Variants in PIKFYVE observed in about 807,000 individuals in gnomAD.
PIKFYVE encodes the protein 1-phosphatidylinositol 3-phosphate 5-kinase.
In PIKFYVE, 122 loss-of-function variants were observed where a neutral mutation model predicts 257.9. That is an observed-to-expected ratio of 0.47 (90% confidence interval 0.41 to 0.55). The LOEUF is 0.55. Ranked by LOEUF, PIKFYVE falls within the 20% of genes least tolerant of loss-of-function variation. The pLI is 0.00. For synonymous variants in PIKFYVE, 892 were observed against 868.9 expected, an observed-to-expected ratio of 1.03 and a Z score of -0.47; for missense variants, 2,160 against 2,536.6, an observed-to-expected ratio of 0.85 and a Z score of 3.19.
chr2:208,318,561 CAT>C (rs1178977601), intron 16 of PIKFYVE, among the ~76,000 whole-genome samples: 2 of 152,178 alleles, frequency 1.3e-5, no homozygotes, highest in Non-Finnish European at 2.9e-5. Context: ...ATTGAGATCA[CAT>C]GTGGACCTTT....
chr2:208,355,572 TAAA>T lies in PIKFYVE; in HGVS notation c.*268_*270del. On this transcript the variant is annotated 3_prime_UTR_variant, in exon 42 of 42. Transcript: ENST00000264380. Reference sequence around the variant, plus strand: ...AAAATACAGACATGTTTCAAAGGGCTAAAGTTGGAGATGAGTAGATAGGGTGAA... The same window carrying T: ...AAAATACAGACATGTTTCAAAGGGCTGTTGGAGATGAGTAGATAGGGTGAA... 2.6e-6 allele frequency: 1 copy of T among 382,296 alleles called. No homozygotes were observed. The highest frequency in any genetic ancestry group is 2.8e-5 in the South Asian group (1 of 35,148). 23.7% of individuals were successfully genotyped at this position (382,296 alleles called of 1,614,324 possible). A position where few individuals can be genotyped will look rare whatever the true frequency, so the allele number is the denominator to read the frequency against.
At chr2:208,268,760 C>G (rs552745909) in intron 1 of PIKFYVE, among the ~76,000 whole-genome samples, 5 of 151,934 alleles carry the variant, frequency 3.3e-5, no homozygotes, top group Admixed American at 3.3e-4. Flanking sequence ...TTTCTCCTTC[C>G]TCTTTCCTTC....
At chr2:208,301,450 T>C (rs1436072489) in intron 9 of PIKFYVE, among the ~76,000 whole-genome samples, 1 of 152,216 alleles carries the variant, frequency 6.6e-6, no homozygotes, top group Non-Finnish European at 1.5e-5. Flanking sequence ...ATTTGATCCA[T>C]AAGCTATGCC....
At chr2:208,292,691 T>C (rs1468022794) in intron 7 of PIKFYVE, among the ~76,000 whole-genome samples, 1 of 152,162 alleles carries the variant, frequency 6.6e-6, no homozygotes, top group Non-Finnish European at 1.5e-5. Flanking sequence ...TTTGATTTCA[T>C]TTAAAAATTT....
At chr2:208,306,158 A>C (rs1166431068) in intron 12 of PIKFYVE, among the ~76,000 whole-genome samples, 1 of 152,248 alleles carries the variant, frequency 6.6e-6, no homozygotes, top group Non-Finnish European at 1.5e-5. Flanking sequence ...AAAAAGGAAT[A>C]TGTTATTTAA....
chr2:208,286,014 C>T (rs535629108), intron 6 of PIKFYVE, 81 bp downstream of exon 6: 26 of 1,316,178 alleles, frequency 2.0e-5, no homozygotes, highest in Non-Finnish European at 2.6e-5. Flanking sequence ...TCAGTTAACA[C>T]TTACCCTCTT....
chr2:208,345,651 T>C (rs1256234049), intron 33 of PIKFYVE, among the ~76,000 whole-genome samples: 1 of 152,148 alleles, frequency 6.6e-6, no homozygotes, highest in Non-Finnish European at 1.5e-5. Flanking sequence ...ATGCTCATTA[T>C]TGTGATTCTT....
At chr2:208,335,529 T>C (rs1698034033) in intron 25 of PIKFYVE, 110 bp downstream of exon 25, 2 of 936,466 alleles carry the variant, frequency 2.1e-6, no homozygotes, top group Non-Finnish European at 1.6e-6. Flanking sequence ...AATTGTATGC[T>C]ATGCATGCTT....
At chr2:208,340,531 C>T (rs1294769663) in intron 31 of PIKFYVE, among the ~76,000 whole-genome samples, 1 of 152,078 alleles carries the variant, frequency 6.6e-6, no homozygotes, top group African/African-American at 2.4e-5. Context: ...GTGACTTGTA[C>T]AAGTTTTCAT....
intron 5 of PIKFYVE, among the ~76,000 whole-genome samples, chr2:208,285,495 A>G (rs1691449579): frequency 6.6e-6 from 1 of 152,002 alleles, no homozygotes; most frequent in Non-Finnish European, 1.5e-5. Flanking sequence ...TTTAACTTCT[A>G]ACTTTTGATT....
At chr2:208,315,469 C>CCTCAGGGTAA in intron 15 of PIKFYVE, 96 bp downstream of exon 15, 1 of 1,413,740 alleles carries the variant, frequency 7.1e-7, no homozygotes, top group Non-Finnish European at 9.8e-7. Flanking sequence ...AGTCATTACC[C>CCTCAGGGTAA]TGAGGGGTGC....
intron 31 of PIKFYVE, among the ~76,000 whole-genome samples, chr2:208,341,751 A>G (rs1426078950): frequency 2.6e-5 from 4 of 152,060 alleles, no homozygotes; most frequent in Non-Finnish European, 4.4e-5. Context: ...CTCATGACCT[A>G]AATTACCCCC....
intron 7 of PIKFYVE, among the ~76,000 whole-genome samples, chr2:208,290,486 G>A (rs1692170850): frequency 6.6e-6 from 1 of 152,158 alleles, no homozygotes; most frequent in African/African-American, 2.4e-5. Flanking sequence ...ATATCCCATT[G>A]GCTGGATACA....
chr2:208,358,399 G>GTCT lies in PIKFYVE; in HGVS notation c.*3095_*3096insCTT, dbSNP rs1553538569. 1 of 147,784 alleles carries GTCT rather than the reference G, an allele frequency of 6.8e-6. No homozygotes were observed. Among genetic ancestry groups the GTCT allele is most frequent in the Non-Finnish European group, 1.5e-5 (1 of 67,166 alleles). The allele number at this position is 147,784 out of a possible 1,614,324, so 9.2% of individuals were successfully genotyped here. Reference sequence around the variant, plus strand: ...CATCTAGTGCAATGTTTTTGTTTTTGTTTTTTTTTTGGTAACACAGGTGCA... The same window carrying GTCT: ...CATCTAGTGCAATGTTTTTGTTTTTGTCTTTTTTTTTTTGGTAACACAGGTGCA... On this transcript the variant is annotated 3_prime_UTR_variant, in exon 42 of 42. Transcript: ENST00000264380.
chr2:208,351,049 T>G, intron 37 of PIKFYVE, 102 bp downstream of exon 37: 1 of 1,432,426 alleles, frequency 7.0e-7, no homozygotes, highest in South Asian at 1.2e-5. Flanking sequence ...CTTTCATAAC[T>G]ATGACTTACT....
chr2:208,304,956 C>T lies in PIKFYVE; in HGVS notation c.1579C>T (p.His527Tyr). 1 of 1,614,086 alleles carries T rather than the reference C, an allele frequency of 6.2e-7. No homozygotes were observed. Among genetic ancestry groups the T allele is most frequent in the Admixed American group, 1.7e-5 (1 of 60,000 alleles). ...LNVELDNVNF[H>Y]IKKPSKYPHV... ...CGTGGAGCTGGACAACGTGAACTTC[C>T]ATATCAAGAAGCCCTCCAAGTACCC... The change falls in exon 12 of 42, where the codon CAT (histidine) becomes TAT (tyrosine). Residue 527 changes from histidine to tyrosine, a missense_variant. Physicochemically the swap from His to Tyr is moderately conservative, Grantham distance 83. This residue lies in a region of PIKFYVE where 346 missense variants were observed against 365.6 expected (regional missense o/e 0.95). Coordinates refer to ENST00000264380, the MANE Select transcript of PIKFYVE (RefSeq NM_015040.4).
In PIKFYVE at chr2:208,356,951, TTG is replaced by T. The variant is rs1700195789; in HGVS notation, c.*1649_*1650del. 1 of 152,642 alleles carries T rather than the reference TTG, an allele frequency of 6.6e-6. No homozygotes were observed. The highest frequency in any genetic ancestry group is 1.5e-5 in the Non-Finnish European group (1 of 68,044). 9.5% of individuals were successfully genotyped at this position (152,642 alleles called of 1,614,324 possible). ...ATGATGAATACTTGAATTAGGAACA[TTG>T]TGGAAAATTTGCTTTAGAGAATCAA... On this transcript the variant is annotated 3_prime_UTR_variant, in exon 42 of 42. Coordinates refer to ENST00000264380, the MANE Select transcript of PIKFYVE (RefSeq NM_015040.4).
chr2:208,324,923 C>G lies in PIKFYVE; in HGVS notation c.2344C>G (p.Arg782Gly). ...TTCTGTTTTGTAGCAAGTTTTGGAA[C>G]GAATCAGTCGAATGACCCAAGGTGA... is the stretch of plus-strand genomic sequence containing the variant. ...VINVKSQVLE[R>G]ISRMTQGDLV... The change falls in exon 19 of 42, where the codon CGA becomes GGA. Residue 782 changes from arginine (R) to glycine (G), a missense_variant. By Grantham distance (125) the Arg-to-Gly change is moderately radical (BLOSUM62 -2). Coordinates refer to ENST00000264380, the MANE Select transcript of PIKFYVE (RefSeq NM_015040.4). 1 of 1,613,904 alleles carries G rather than the reference C, an allele frequency of 6.2e-7. No individual in the cohort carries two copies. The highest frequency in any genetic ancestry group is 8.5e-7 in the Non-Finnish European group (1 of 1,179,874).
chr2:208,290,991 C>T (rs1014038576), intron 7 of PIKFYVE, among the ~76,000 whole-genome samples: 2 of 152,086 alleles, frequency 1.3e-5, no homozygotes, highest in Non-Finnish European at 2.9e-5. Flanking sequence ...CTTTTTATTT[C>T]CTTTTCCTGT....
Sources: gnomAD v4.1 joint callset for allele counts (sites outside exome capture counted in the v4.1 genomes callset) on GRCh38, gnomAD v4.1.1 for gene constraint, gnomAD v4.1.1 regional missense constraint, MANE v1.5 for transcripts, NCBI Gene and HGNC (gene_info 2026-07-23, HGNC 2026-07-21) for gene names.